The following NCALD variants were observed in gnomAD, a reference collection of about 807,000 sequenced individuals.
NCALD encodes the protein neurocalcin-delta.
A neutral mutation model predicts 18.6 loss-of-function variants in NCALD; 10 were observed. The observed-to-expected ratio is 0.54, with a 90% confidence interval of 0.33 to 0.91. The LOEUF (loss-of-function observed/expected upper bound fraction) is 0.91. NCALD is among the 40% of genes least tolerant of loss of function. The pLI is 0.03. For missense variants in NCALD, 184 were observed against 247.6 expected, an observed-to-expected ratio of 0.74 and a Z score of 1.72; for synonymous variants, 88 against 87.4, an observed-to-expected ratio of 1.01 and a Z score of -0.04.
At chr8:101,967,540 C>T (rs1240878396) in intron 2 of NCALD, among the ~76,000 whole-genome samples, 2 of 152,058 alleles carry the variant, frequency 1.3e-5, no homozygotes, top group Non-Finnish European at 2.9e-5. Context: ...GGTAGAAAGT[C>T]GAATCAATTG....
At chr8:101,943,351 T>C (rs1331993892) in intron 2 of NCALD, among the ~76,000 whole-genome samples, 1 of 152,186 alleles carries the variant, frequency 6.6e-6, no homozygotes, top group South Asian at 2.1e-4. Flanking sequence ...CAGAAAACAA[T>C]CCTTTCCTAT....
chr8:101,760,073 G>A (rs1277349480), intron 1 of NCALD, among the ~76,000 whole-genome samples: 1 of 152,106 alleles, frequency 6.6e-6, no homozygotes, highest in African/African-American at 2.4e-5. Context: ...CCATGAGCCT[G>A]GTTTTGACAT....
chr8:102,096,560 T>C (rs2132395802), intron 1 of NCALD, among the ~76,000 whole-genome samples: 1 of 152,384 alleles, frequency 6.6e-6, no homozygotes. Flanking sequence ...AAAGTACCTC[T>C]GATTGGTTGA....
intron 2 of NCALD, among the ~76,000 whole-genome samples, chr8:101,932,745 G>T (rs1479812111): frequency 6.6e-6 from 1 of 152,104 alleles, no homozygotes; most frequent in Non-Finnish European, 1.5e-5. Context: ...ACTGAACAAA[G>T]CCCCCTGCTT....
At chr8:101,883,210 C>T (rs577076311) in intron 4 of NCALD, among the ~76,000 whole-genome samples, 1 of 152,130 alleles carries the variant, frequency 6.6e-6, no homozygotes, top group Admixed American at 6.5e-5. Flanking sequence ...TCTGACTCGA[C>T]AAAAAATACA....
intron 4 of NCALD, among the ~76,000 whole-genome samples, chr8:101,799,836 C>T (rs1277268380): frequency 1.3e-5 from 2 of 152,188 alleles, no homozygotes; most frequent in East Asian, 3.9e-4. Context: ...GTGCACTGGA[C>T]ACCTTCTGTA....
At chr8:101,712,587 C>CAAAAAAAAAAA (rs201729096) in intron 2 of NCALD, among the ~76,000 whole-genome samples, 21 of 78,900 alleles carry the variant, frequency 2.7e-4, no homozygotes, top group East Asian at 1.2e-3. Flanking sequence ...AAATGGAAAG[C>CAAAAAAAAAAA]AAAAAAAAAA....
chr8:101,993,394 C>A (rs1821123927), intron 2 of NCALD, among the ~76,000 whole-genome samples: 1 of 152,172 alleles, frequency 6.6e-6, no homozygotes, highest in Non-Finnish European at 1.5e-5. Context: ...AGGGTCAACA[C>A]AAATACATCT....
At chr8:101,816,714 A>G (rs565886636) in intron 4 of NCALD, among the ~76,000 whole-genome samples, 1 of 152,310 alleles carries the variant, frequency 6.6e-6, no homozygotes, top group African/African-American at 2.4e-5. Context: ...CTACAATACT[A>G]TGATGGTGGA....
At chr8:102,037,385 A>G (rs1006330301) in intron 1 of NCALD, among the ~76,000 whole-genome samples, 14 of 141,482 alleles carry the variant, frequency 9.9e-5, no homozygotes, top group African/African-American at 2.8e-4. Context: ...ACATACAATT[A>G]TACTATAGAA....
At chr8:101,804,523 A>ATATAATT (rs1813007791) in intron 4 of NCALD, among the ~76,000 whole-genome samples, 6 of 117,564 alleles carry the variant, frequency 5.1e-5, no homozygotes, top group African/African-American at 2.3e-4. Flanking sequence ...TATATAACAA[A>ATATAATT]GATTATATAA....
At chr8:101,793,943 G>A (rs60235320), upstream of NCALD, among the ~76,000 whole-genome samples, 5 of 152,018 alleles carry the variant, frequency 3.3e-5, no homozygotes, top group Admixed American at 1.3e-4. Flanking sequence ...GTCTTTTGTC[G>A]ATGTTTGTAC....
At chr8:101,883,591 T>G (rs1301102526) in intron 4 of NCALD, among the ~76,000 whole-genome samples, 1 of 152,206 alleles carries the variant, frequency 6.6e-6, no homozygotes, top group Non-Finnish European at 1.5e-5. Context: ...TTCTTCGAAG[T>G]CTTTGACCGT....
intron 4 of NCALD, among the ~76,000 whole-genome samples, chr8:101,827,034 T>G (rs1813965385): frequency 6.6e-6 from 1 of 152,206 alleles, no homozygotes. Context: ...ATTTATTATC[T>G]CACAGTTCTG....
intron 2 of NCALD, among the ~76,000 whole-genome samples, chr8:101,922,058 C>T (rs978261109): frequency 2.0e-5 from 3 of 151,752 alleles, no homozygotes; most frequent in African/African-American, 7.3e-5. Context: ...ATTCTCCTGC[C>T]TCAGCCTCTA....
chr8:101,688,964 C>CA lies in NCALD; in HGVS notation c.*344dup. ...AGCCCCTTGAAGCTTGCAATAGAATCACAGGACTGGATGGGTTTCCCTTCT... is the reference window on the plus strand; with the variant it reads ...AGCCCCTTGAAGCTTGCAATAGAATCAACAGGACTGGATGGGTTTCCCTTCT... On this transcript the variant is annotated 3_prime_UTR_variant, in exon 4 of 4. Transcript: ENST00000220931. The CA allele has an allele frequency of 1.5e-6, 1 of 659,668 alleles. No individual in the cohort carries two copies. The highest frequency in any genetic ancestry group is 2.7e-6 in the Non-Finnish European group (1 of 368,700). 40.9% of individuals were successfully genotyped at this position (659,668 alleles called of 1,614,324 possible).
chr8:102,006,273 A>G (rs761186951), intron 2 of NCALD, among the ~76,000 whole-genome samples: 2 of 151,840 alleles, frequency 1.3e-5, no homozygotes, highest in Non-Finnish European at 2.9e-5. Context: ...CAAGCTGTAC[A>G]GTTTCCAAGG....
At position 101,719,243 on chromosome 8, in the gene NCALD, T is replaced by TCTA. The variant is rs568372795; in HGVS notation, c.378+6_378+8dup. 1.5e-4 allele frequency: 241 copies of TCTA among 1,611,420 alleles called. No individual in the cohort carries two copies. The African/African-American group carries it at 3.0e-3, about 20-fold the overall frequency. On this transcript the variant is annotated intron_variant, in intron 2 of 3. Transcript: ENST00000220931. ...GCCCTTCTTTTTTTAAAGGGCTCAG[T>TCTA]CTACGTACCTGCACGATCTCTAGCA...
At chr8:102,107,980 G>T (rs1211671135) in intron 1 of NCALD, among the ~76,000 whole-genome samples, 1 of 152,162 alleles carries the variant, frequency 6.6e-6, no homozygotes, top group African/African-American at 2.4e-5. Flanking sequence ...CAAAGGGCAA[G>T]AGTAGGGGCA....
Sources: gnomAD v4.1 joint callset for allele counts (sites outside exome capture counted in the v4.1 genomes callset) on GRCh38, gnomAD v4.1.1 for gene constraint, MANE v1.5 for transcripts, NCBI Gene and HGNC (gene_info 2026-07-23, HGNC 2026-07-21) for gene names.